Variants in ANKRD11 observed in about 807,000 individuals in gnomAD.
The protein encoded by ANKRD11 is ankyrin repeat domain 11, also known as ankyrin repeat domain-containing protein 11.
Under a neutral mutation model 195.7 loss-of-function variants are expected in ANKRD11, and 17 were observed. That is an observed-to-expected ratio of 0.09 (90% CI 0.06 to 0.13). The LOEUF (loss-of-function observed/expected upper bound fraction) is 0.13. ANKRD11 is among the 10% of genes least tolerant of loss of function. The probability of loss-of-function intolerance (pLI) is 1.00; values close to 1 mark genes in which losing one functional copy is unlikely to be tolerated. For missense variants in ANKRD11, 3,735 were observed against 3,566.1 expected (o/e 1.05, Z -1.21); for synonymous variants, 1,953 against 1,528.1 (o/e 1.28, Z -6.49).
chr16:89,287,314 C>T, intron 7 of ANKRD11: 1 of 344,156 alleles, frequency 2.9e-6, no homozygotes, highest in Non-Finnish European at 5.7e-6. Context: ...ATGGGGCTGC[C>T]CTGGGCCTGC....
At chr16:89,316,512 GT>G (rs35131755) in intron 3 of ANKRD11, among the ~76,000 whole-genome samples, 1 of 152,228 alleles carries the variant, frequency 6.6e-6, no homozygotes, top group Non-Finnish European at 1.5e-5. Flanking sequence ...AAATGCAGTG[GT>G]TTTGATTGGC....
intron 2 of ANKRD11, among the ~76,000 whole-genome samples, chr16:89,389,835 G>A (rs1282727653): frequency 2.8e-5 from 4 of 142,204 alleles, no homozygotes; most frequent in Admixed American, 2.1e-4. Flanking sequence ...GGCAAACACC[G>A]AGTGTGGCGG....
chr16:89,456,245 A>G (rs1306154639), intron 1 of ANKRD11, among the ~76,000 whole-genome samples: 1 of 151,068 alleles, frequency 6.6e-6, no homozygotes, highest in Non-Finnish European at 1.5e-5. Flanking sequence ...GTCCCAAAAA[A>G]AAAAGGGGGG....
chr16:89,327,241 C>T (rs1305336215), intron 2 of ANKRD11, among the ~76,000 whole-genome samples: 1 of 152,164 alleles, frequency 6.6e-6, no homozygotes, highest in Non-Finnish European at 1.5e-5. Context: ...ACAACTGGTA[C>T]AGAAAATCAT....
chr16:89,457,296 C>T (rs1327339472), intron 1 of ANKRD11, among the ~76,000 whole-genome samples: 1 of 149,680 alleles, frequency 6.7e-6, no homozygotes, highest in East Asian at 2.1e-4. Flanking sequence ...GTATGTCAGA[C>T]TCAAAAGACT....
At chr16:89,308,793 C>T (rs1393484420) in intron 3 of ANKRD11, among the ~76,000 whole-genome samples, 2 of 152,168 alleles carry the variant, frequency 1.3e-5, no homozygotes, top group African/African-American at 2.4e-5. Flanking sequence ...GCAGGGGGTG[C>T]GCGCCGTGAG....
At position 89,407,871 on chromosome 16, in the gene ANKRD11, A is replaced by AAAG. The variant is rs1555569379; in HGVS notation, c.-60+10410_-60+10412dup. 2.9e-4 allele frequency among the ~76,000 whole-genome samples: 34 copies of AAAG among 117,984 alleles called. 1 individual carries two copies. Among genetic ancestry groups the AAAG allele is most frequent in the African/African-American group, 4.3e-4 (14 of 32,724 alleles). 77.4% of individuals were successfully genotyped at this position (117,984 alleles called of 152,430 possible). ...TCCCTCCAAAAAAAAAAAAAAAAAA[A>AAAG]AAGAAGAAGAAGAAATATTAACTCC... On this transcript the variant is annotated intron_variant, in intron 2 of 12. Transcript: ENST00000301030.
chr16:89,280,603 A>G lies in ANKRD11; in HGVS notation c.5939T>C (p.Leu1980Pro), dbSNP rs763152116. The G allele has an allele frequency of 6.2e-7, 1 of 1,613,490 alleles. No individual in the cohort carries two copies. The highest frequency in any genetic ancestry group is 1.1e-5 in the South Asian group (1 of 91,084). The change falls in exon 9 of 13, where the codon CTG (leucine) becomes CCG (proline). Residue 1980 changes from leucine to proline, a missense_variant. Leu to Pro is a moderately conservative substitution (Grantham distance 98). Coordinates refer to ENST00000301030, the MANE Select transcript of ANKRD11 (RefSeq NM_013275.6). ...GGGGAATCTCTGTGGAGACTTCAGC[A>G]GGAGGTCCGAGCCCACAGGCCAGCT... is the stretch of plus-strand genomic sequence containing the variant. ...PVSWPVGSDL[L>P]LKSPQRFPES...
intron 2 of ANKRD11, among the ~76,000 whole-genome samples, chr16:89,415,202 C>T (rs1338596076): frequency 1.3e-5 from 2 of 151,966 alleles, no homozygotes; most frequent in East Asian, 1.9e-4. Context: ...GATCTACCCA[C>T]CCCTTCCTCC....
intron 2 of ANKRD11, among the ~76,000 whole-genome samples, chr16:89,330,521 C>T (rs554211439): frequency 2.1e-4 from 32 of 152,098 alleles, no homozygotes; most frequent in African/African-American, 6.3e-4. Context: ...CGTGACGTGG[C>T]AGCGGGTTTC....
intron 1 of ANKRD11, among the ~76,000 whole-genome samples, chr16:89,432,080 A>C (rs145771232): frequency 5.6e-4 from 85 of 152,064 alleles, no homozygotes; most frequent in Non-Finnish European, 1.1e-3. Flanking sequence ...TAACAACTTA[A>C]TTATCTCCAC....
chr16:89,282,009 G>A lies in ANKRD11; in HGVS notation c.4533C>T (p.Pro1511=), dbSNP rs769180959. ...KPATRDKDSP[P]RVLKDKSRDE... ...CCCTGGACTTGTCTTTGAGCACGCGGGGCGGGCTGTCCTTGTCCCTGGTGG... is the reference window on the plus strand; with the variant it reads ...CCCTGGACTTGTCTTTGAGCACGCGAGGCGGGCTGTCCTTGTCCCTGGTGG... Residue 1511 remains proline, a synonymous_variant, in exon 9 of 13, where the codon CCC becomes CCT. Transcript: ENST00000301030. 3.3e-5 allele frequency: 53 copies of A among 1,613,208 alleles called. No individual in the cohort carries two copies. In the Admixed American group the frequency reaches 8.3e-4, roughly 25 times the overall value.
At chr16:89,371,672 C>G (rs907483986) in intron 2 of ANKRD11, among the ~76,000 whole-genome samples, 2 of 152,180 alleles carry the variant, frequency 1.3e-5, no homozygotes, top group African/African-American at 4.8e-5. Context: ...AGACTCCCCC[C>G]TGCACCCCCT....
intron 2 of ANKRD11, among the ~76,000 whole-genome samples, chr16:89,335,117 A>C (rs1279566526): frequency 1.8e-4 from 27 of 152,140 alleles, no homozygotes; most frequent in Admixed American, 1.8e-3. Flanking sequence ...CCAAATAACT[A>C]ATCAGGACAC....
intron 2 of ANKRD11, among the ~76,000 whole-genome samples, chr16:89,361,325 C>G (rs950311836): frequency 1.3e-5 from 2 of 152,142 alleles, no homozygotes; most frequent in Admixed American, 1.3e-4. Context: ...ATCACAGCGC[C>G]GGGGGCGGGG....
In ANKRD11 at chr16:89,369,667, G is replaced by T. The variant is rs903969260; in HGVS notation, c.-60+48617C>A. Among the ~76,000 whole-genome samples the T allele has an allele frequency of 2.6e-5, 4 of 152,188 alleles. No homozygotes were observed. In the East Asian group the frequency reaches 7.7e-4, roughly 29 times the overall value. ...GGGGGGTCCTTGTGGTGACGCAAGG[G>T]TTTTAAGGTCCCGACTGTGGGACAC... On this transcript the variant is annotated intron_variant, in intron 2 of 12. Transcript: ENST00000301030.
chr16:89,384,882 T>TTC (rs1481004484), intron 2 of ANKRD11, among the ~76,000 whole-genome samples: 5 of 23,222 alleles, frequency 2.2e-4, no homozygotes, highest in African/African-American at 6.9e-4. Context: ...TAGTTTTCTT[T>TTC]TTTTTTTTTT....
At chr16:89,487,375 T>C (rs898117753) in intron 1 of ANKRD11, among the ~76,000 whole-genome samples, 1 of 152,244 alleles carries the variant, frequency 6.6e-6, no homozygotes, top group Non-Finnish European at 1.5e-5. Flanking sequence ...ACTGATACTC[T>C]CTAATTATGT....
intron 2 of ANKRD11, among the ~76,000 whole-genome samples, chr16:89,386,648 C>A (rs185849490): frequency 6.6e-6 from 1 of 152,350 alleles, no homozygotes; most frequent in African/African-American, 2.4e-5. Flanking sequence ...AATCTCTTCT[C>A]GTCCAGGAAA....
Sources: gnomAD v4.1 joint callset for allele counts (sites outside exome capture counted in the v4.1 genomes callset) on GRCh38, gnomAD v4.1.1 for gene constraint, MANE v1.5 for transcripts, NCBI Gene and HGNC (gene_info 2026-07-23, HGNC 2026-07-21) for gene names.